SBF2: variants seen among roughly 807,000 people sequenced by gnomAD.
SBF2 encodes myotubularin-related protein 13.
A neutral mutation model predicts 225.2 loss-of-function variants in SBF2; 112 were observed. That is an observed-to-expected ratio of 0.50 (90% confidence interval 0.43 to 0.58). The LOEUF is 0.58. Ranked by LOEUF, SBF2 falls within the 20% of genes least tolerant of loss-of-function variation. The pLI is 0.00. For missense variants in SBF2, 1,996 were observed against 2,206.2 expected, an observed-to-expected ratio of 0.90 and a Z score of 1.91; for synonymous variants, 763 against 773.3, an observed-to-expected ratio of 0.99 and a Z score of 0.22.
intron 2 of SBF2, among the ~76,000 whole-genome samples, chr11:10,132,182 C>G (rs1197671952): frequency 1.3e-5 from 2 of 152,116 alleles, no homozygotes; most frequent in Non-Finnish European, 2.9e-5. Context: ...ATTGGATAGG[C>G]TATTTCTGGG....
chr11:10,001,246 T>C (rs1681378136), intron 7 of SBF2, among the ~76,000 whole-genome samples: 1 of 152,178 alleles, frequency 6.6e-6, no homozygotes, highest in African/African-American at 2.4e-5. Context: ...CAAGCCTGCT[T>C]CCTTAACCTT....
chr11:9,850,026 A>G lies in SBF2; in HGVS notation c.2803T>C (p.Leu935=). The part of the protein sequence containing the change: ...ILFRGTPHDQ[L]VGEQTVVRSF... ...CTGATGGCATATCGAGTCATACCTA[A>G]CTGATCATGGGGTGTTCCTCTGAAG... The change falls in exon 22 of 40, where the codon TTA becomes CTA. Residue 935 remains leucine, a synonymous_variant. Coordinates refer to ENST00000256190, the MANE Select transcript of SBF2 (RefSeq NM_030962.4). The G allele has an allele frequency of 1.2e-6, 2 of 1,613,834 alleles. No homozygotes were observed. The highest frequency in any genetic ancestry group is 1.7e-6 in the Non-Finnish European group (2 of 1,179,776).
At chr11:9,939,601 C>T (rs896831860) in intron 16 of SBF2, among the ~76,000 whole-genome samples, 27 of 152,234 alleles carry the variant, frequency 1.8e-4, no homozygotes, top group African/African-American at 4.6e-4. Context: ...CTTTTACCAC[C>T]TTTTTTGCCC....
chr11:10,226,802 G>A (rs1958582835), intron 1 of SBF2, among the ~76,000 whole-genome samples: 1 of 152,176 alleles, frequency 6.6e-6, no homozygotes, highest in African/African-American at 2.4e-5. Context: ...ATGTGCATGT[G>A]TCTTTATAGC....
At chr11:10,037,723 A>C (rs188677176) in intron 3 of SBF2, among the ~76,000 whole-genome samples, 169 of 143,222 alleles carry the variant, frequency 1.2e-3, no homozygotes, top group African/African-American at 4.2e-3. Context: ...TGTTCTCTCT[A>C]TGTCTTCTAC....
chr11:10,185,396 G>A (rs985741133), intron 2 of SBF2, among the ~76,000 whole-genome samples: 49 of 152,136 alleles, frequency 3.2e-4, no homozygotes, highest in African/African-American at 1.1e-3. Flanking sequence ...CAGTGCACAA[G>A]AGTTCCAGTT....
chr11:10,029,635 T>C (rs1306609386), intron 5 of SBF2, 130 bp downstream of exon 5: 11 of 751,724 alleles, frequency 1.5e-5, no homozygotes, highest in Non-Finnish European at 2.6e-5. Flanking sequence ...AATGCTTAAC[T>C]AAAGTAGGAT....
intron 16 of SBF2, among the ~76,000 whole-genome samples, chr11:9,919,263 TC>T (rs1863382637): frequency 8.9e-6 from 1 of 112,596 alleles, no homozygotes; most frequent in African/African-American, 3.8e-5. Context: ...TTCTTCTTCT[TC>T]TTCTTCTTTT....
chr11:10,266,224 T>C (rs753835319), intron 1 of SBF2, among the ~76,000 whole-genome samples: 1 of 152,194 alleles, frequency 6.6e-6, no homozygotes, highest in Non-Finnish European at 1.5e-5. Flanking sequence ...CTCAGGTTGT[T>C]TGACGCTAGA....
intron 33 of SBF2, among the ~76,000 whole-genome samples, chr11:9,792,125 G>A (rs1233122803): frequency 6.6e-6 from 1 of 152,092 alleles, no homozygotes; most frequent in Non-Finnish European, 1.5e-5. Context: ...AAGTTTTTCT[G>A]ATAAAATCTT....
At chr11:9,932,862 C>T (rs931272953) in intron 16 of SBF2, among the ~76,000 whole-genome samples, 4 of 147,704 alleles carry the variant, frequency 2.7e-5, no homozygotes, top group Non-Finnish European at 4.5e-5. Context: ...CAAGACCCAT[C>T]GGTGTGCTCT....
intron 1 of SBF2, among the ~76,000 whole-genome samples, chr11:10,254,470 A>T (rs1165157317): frequency 6.6e-6 from 1 of 152,118 alleles, no homozygotes; most frequent in Admixed American, 6.5e-5. Flanking sequence ...AATATCTCAA[A>T]GCGATATATG....
chr11:9,786,492 G>A (rs976516402), intron 36 of SBF2, among the ~76,000 whole-genome samples: 1 of 152,102 alleles, frequency 6.6e-6, no homozygotes, highest in Non-Finnish European at 1.5e-5. Flanking sequence ...GCTATTTGAG[G>A]GTAAGAGATA....
intron 17 of SBF2, among the ~76,000 whole-genome samples, chr11:9,879,103 T>C (rs533172959): frequency 2.0e-5 from 3 of 152,328 alleles, no homozygotes; most frequent in South Asian, 4.1e-4. Flanking sequence ...CACCACATAA[T>C]TGATTTTCTG....
chr11:10,004,592 A>AC (rs1948112639), intron 6 of SBF2, among the ~76,000 whole-genome samples: 1 of 149,132 alleles, frequency 6.7e-6, no homozygotes, highest in African/African-American at 2.4e-5. Flanking sequence ...AAAAAAAAAA[A>AC]AAACAAACTA....
intron 24 of SBF2, 129 bp from the exon 25 acceptor site, chr11:9,842,899 G>T (rs1015715759): frequency 1.2e-6 from 1 of 835,320 alleles, no homozygotes; most frequent in Non-Finnish European, 1.9e-6. Flanking sequence ...CTCTTGTTAA[G>T]CCTCTCCTTC....
At chr11:9,901,001 G>A (rs1465405672) in intron 16 of SBF2, among the ~76,000 whole-genome samples, 1 of 152,060 alleles carries the variant, frequency 6.6e-6, no homozygotes, top group African/African-American at 2.4e-5. Context: ...AAAATGCTGG[G>A]ATTACAGGCA....
At chr11:9,781,814 G>C (rs1852027030) in intron 38 of SBF2, among the ~76,000 whole-genome samples, 176 bp from the exon 39 acceptor site, 1 of 152,144 alleles carries the variant, frequency 6.6e-6, no homozygotes, top group Non-Finnish European at 1.5e-5. Flanking sequence ...AGAACTAGGT[G>C]GCTTGGAGAA....
At chr11:10,088,426 T>C (rs767844644) in intron 2 of SBF2, among the ~76,000 whole-genome samples, 64 of 152,166 alleles carry the variant, frequency 4.2e-4, no homozygotes, top group South Asian at 1.0e-3. Context: ...CTGTTTATTA[T>C]TGCTATAAAG....
Sources: allele counts gnomAD v4.1 joint callset (sites outside exome capture counted in the v4.1 genomes callset), GRCh38; gene constraint gnomAD v4.1.1; transcripts MANE v1.5; gene names NCBI Gene and HGNC (gene_info 2026-07-23, HGNC 2026-07-21).